The following SUZ12 variants were observed in gnomAD, a reference collection of about 807,000 sequenced individuals.
SUZ12 encodes SUZ12 polycomb repressive complex 2 subunit.
A neutral mutation model predicts 87.3 loss-of-function variants in SUZ12; 17 were observed. The observed-to-expected ratio is 0.19, with a 90% confidence interval of 0.13 to 0.29. The LOEUF (loss-of-function observed/expected upper bound fraction) is 0.29. SUZ12 is among the 10% of genes least tolerant of loss of function. SUZ12 has a pLI of 1.00. For synonymous variants in SUZ12, 253 were observed against 312.4 expected, an observed-to-expected ratio of 0.81 and a Z score of 2.01; for missense variants, 526 against 912.2, an observed-to-expected ratio of 0.58 and a Z score of 5.45.
At position 32,000,544 on chromosome 17, in the gene SUZ12, A is replaced by AG. The variant is rs1910203869; in HGVS notation, c.*1542dup. On this transcript the variant is annotated 3_prime_UTR_variant, in exon 16 of 16. Transcript: ENST00000322652. ...TGATTGGTAAGCTCTCCAAATGATG[A>AG]GTTCTAGTAAACTCTGATTTTTGCC... 1 of 231,240 alleles carries AG rather than the reference A, an allele frequency of 4.3e-6. No homozygotes were observed. The highest frequency in any genetic ancestry group is 1.8e-4 in the South Asian group (1 of 5,514). 14.3% of individuals were successfully genotyped at this position (231,240 alleles called of 1,614,324 possible).
Position 31,975,723 on chromosome 17 carries a change from T to G in SUZ12, c.823+10T>G, listed in dbSNP as rs1212490834. ...ACCAATGAAAATATTGGTAATTTTT[T>G]TTTTTACTAGATTTTATCACTGGAG... is the stretch of plus-strand genomic sequence containing the variant. On this transcript the variant is annotated intron_variant, in intron 7 of 15. Transcript: ENST00000322652. 2.5e-6 allele frequency: 4 copies of G among 1,595,916 alleles called. No homozygotes were observed. In the African/African-American group the frequency reaches 5.4e-5, roughly 22 times the overall value.
intron 14 of SUZ12, 54 bp from the exon 15 acceptor site, chr17:31,996,744 A>C (rs1909998380): frequency 1.6e-6 from 2 of 1,274,922 alleles, no homozygotes; most frequent in African/African-American, 1.6e-5. Flanking sequence ...TGACATTCTC[A>C]CAAGTTTTTC....
intron 9 of SUZ12, among the ~76,000 whole-genome samples, chr17:31,987,558 T>G (rs187380542): frequency 6.6e-6 from 1 of 152,136 alleles, no homozygotes; most frequent in Non-Finnish European, 1.5e-5. Flanking sequence ...GCTGTTCAAT[T>G]TACAAAAAAA....
chr17:31,938,415 T>C (rs2142114476), intron 1 of SUZ12, among the ~76,000 whole-genome samples: 1 of 152,344 alleles, frequency 6.6e-6, no homozygotes, highest in East Asian at 1.9e-4. Context: ...AGTGTCCTTA[T>C]TTACAGTTTC....
intron 4 of SUZ12, among the ~76,000 whole-genome samples, chr17:31,949,560 C>G (rs75889744): frequency 4.8e-4 from 67 of 140,406 alleles, no homozygotes; most frequent in Admixed American, 1.1e-3. Flanking sequence ...TGCAGTGGTG[C>G]TATCTCAGCT....
chr17:31,978,156 A>G (rs1262609182), intron 8 of SUZ12, among the ~76,000 whole-genome samples: 1 of 152,134 alleles, frequency 6.6e-6, no homozygotes, highest in East Asian at 1.9e-4. Context: ...GGTATAGGAC[A>G]AAGAACCAGG....
intron 6 of SUZ12, among the ~76,000 whole-genome samples, chr17:31,974,655 A>G (rs975473622): frequency 1.3e-5 from 2 of 152,224 alleles, no homozygotes; most frequent in African/African-American, 4.8e-5. Flanking sequence ...TCCTGGAAGA[A>G]TATACACAGC....
intron 4 of SUZ12, among the ~76,000 whole-genome samples, chr17:31,959,046 A>G (rs1907542112): frequency 6.6e-6 from 1 of 152,074 alleles, no homozygotes; most frequent in East Asian, 1.9e-4. Context: ...AAATCTGTAG[A>G]CTACCTCTTA....
chr17:31,938,855 T>A (rs1323611154), intron 1 of SUZ12, among the ~76,000 whole-genome samples: 4 of 152,200 alleles, frequency 2.6e-5, no homozygotes, highest in African/African-American at 4.8e-5. Context: ...TGAGTCGACC[T>A]CAGGGAAGTC....
At chr17:31,977,603 A>G (rs1192939656) in intron 8 of SUZ12, among the ~76,000 whole-genome samples, 1 of 151,890 alleles carries the variant, frequency 6.6e-6, no homozygotes, top group Non-Finnish European at 1.5e-5. Context: ...TTAAAAAAAG[A>G]AAGAAGGCCG....
chr17:31,977,855 C>T (rs1445849005), intron 8 of SUZ12, among the ~76,000 whole-genome samples: 13 of 152,110 alleles, frequency 8.5e-5, no homozygotes, highest in Non-Finnish European at 1.5e-4. Context: ...CACCACTGCA[C>T]TCCATCCTGG....
At chr17:31,998,607 T>C (rs1910106568) in intron 15 of SUZ12, 51 bp from the exon 16 acceptor site, 1 of 1,368,126 alleles carries the variant, frequency 7.3e-7, no homozygotes, top group Admixed American at 2.8e-5. Context: ...CACTGTTGCA[T>C]TTGACAAAAA....
rs568009576 is a variant in SUZ12, at chr17:31,991,146, G to A, written c.1202-2096G>A. ...TGCCTGTTTAAAGAAGGCAGAAGGC[G>A]TAAGTTGTCCTCCTTGACCACTCAT... is the stretch of plus-strand genomic sequence containing the variant. On this transcript the variant is annotated intron_variant, in intron 10 of 15. Transcript: ENST00000322652. Among the ~76,000 whole-genome samples, 3 of 152,320 alleles carry A rather than the reference G, an allele frequency of 2.0e-5. No individual in the cohort carries two copies. The South Asian group carries it at 6.2e-4, about 32-fold the overall frequency.
At chr17:31,978,201 T>A (rs887650160) in intron 8 of SUZ12, among the ~76,000 whole-genome samples, 8 of 151,916 alleles carry the variant, frequency 5.3e-5, no homozygotes, top group Admixed American at 2.6e-4. Flanking sequence ...ATTGTTTATT[T>A]TTTATTTATT....
At chr17:31,968,432 A>G (rs1447170192) in intron 5 of SUZ12, among the ~76,000 whole-genome samples, 4 of 152,010 alleles carry the variant, frequency 2.6e-5, no homozygotes, top group South Asian at 2.1e-4. Flanking sequence ...GAATCTCACT[A>G]CATTTCCCAG....
chr17:31,996,413 G>A (rs1178786209), intron 14 of SUZ12, among the ~76,000 whole-genome samples: 1 of 152,124 alleles, frequency 6.6e-6, no homozygotes, highest in Admixed American at 6.5e-5. Context: ...TCAGGAGTTT[G>A]AGACCAGCCT....
At chr17:31,958,360 A>G (rs1907492230) in intron 4 of SUZ12, among the ~76,000 whole-genome samples, 2 of 152,172 alleles carry the variant, frequency 1.3e-5, no homozygotes, top group Admixed American at 6.6e-5. Context: ...TAAGAGAACT[A>G]TTGTATTAAT....
intron 4 of SUZ12, among the ~76,000 whole-genome samples, chr17:31,965,349 C>T (rs1908025791): frequency 6.6e-6 from 1 of 152,130 alleles, no homozygotes; most frequent in Non-Finnish European, 1.5e-5. Flanking sequence ...TGATCAACAA[C>T]TGTATTGTGT....
At chr17:31,967,678 A>AGGACTTCG (rs1567824393) in intron 5 of SUZ12, 2 of 152,238 alleles carry the variant, frequency 1.3e-5, no homozygotes, top group African/African-American at 4.8e-5. Flanking sequence ...CCAGGACTTC[A>AGGACTTCG]AGACCAGCCT....
Sources: gnomAD v4.1 joint callset for allele counts (sites outside exome capture counted in the v4.1 genomes callset) on GRCh38, gnomAD v4.1.1 for gene constraint, MANE v1.5 for transcripts, NCBI Gene and HGNC (gene_info 2026-07-23, HGNC 2026-07-21) for gene names.